Variants in ATP1B2 observed in about 807,000 individuals in gnomAD.
ATP1B2 encodes sodium/potassium-transporting ATPase subunit beta-2.
A neutral mutation model predicts 37.3 loss-of-function variants in ATP1B2; 12 were observed. The ratio of observed to expected loss-of-function variants is 0.32; its 90% CI spans 0.21 to 0.52. The LOEUF is 0.52. ATP1B2 is among the 20% of genes least tolerant of loss of function. The probability of loss-of-function intolerance (pLI) is 0.96; values close to 1 mark genes in which losing one functional copy is unlikely to be tolerated. For missense variants in ATP1B2, 324 were observed against 391.6 expected, an observed-to-expected ratio of 0.83 and a Z score of 1.46; for synonymous variants, 139 against 140.5, an observed-to-expected ratio of 0.99 and a Z score of 0.07.
chr17:7,652,408 G>A (rs1462563405), intron 1 of ATP1B2, among the ~76,000 whole-genome samples: 1 of 152,118 alleles, frequency 6.6e-6, no homozygotes, highest in Non-Finnish European at 1.5e-5. Context: ...ATTCTTCCAA[G>A]AGGGATGGTC....
chr17:7,655,103 G>A lies in ATP1B2; in HGVS notation c.609+419G>A. 2 of 308,144 alleles carry A rather than the reference G, an allele frequency of 6.5e-6. No individual in the cohort carries two copies. The highest frequency in any genetic ancestry group is 1.2e-5 in the Non-Finnish European group (2 of 164,818). The allele number at this position is 308,144 out of a possible 1,614,324, so 19.1% of individuals were successfully genotyped here. A position where few individuals can be genotyped will look rare whatever the true frequency, so the allele number is the denominator to read the frequency against. On this transcript the variant is annotated intron_variant, in intron 5 of 6. Coordinates refer to ENST00000250111, the MANE Select transcript of ATP1B2 (RefSeq NM_001678.5). This position sits in a 1 kb window ranked among gnomAD's most constrained non-coding sequence, Gnocchi z 4.4. ...TAGCACCATCTGCCACCAGTTCGTTGTCCTTGGGACCCTGTTCCCCGCTTC... is the reference window on the plus strand; with the variant it reads ...TAGCACCATCTGCCACCAGTTCGTTATCCTTGGGACCCTGTTCCCCGCTTC...
rs1164998069 is a variant in ATP1B2, at chr17:7,651,399, C to T, written c.-120C>T. On this transcript the variant is annotated 5_prime_UTR_variant, in exon 1 of 7. Coordinates refer to ENST00000250111, the MANE Select transcript of ATP1B2 (RefSeq NM_001678.5). ...GCAGCTGCATATCTGAGGGGGGTCT[C>T]CTTTGCCCGCGCCGCCTTCGCTCCC... 1.2e-6 allele frequency: 1 copy of T among 865,806 alleles called. No homozygotes were observed. Among genetic ancestry groups the T allele is most frequent in the Non-Finnish European group, 1.8e-6 (1 of 545,570 alleles). 53.6% of individuals were successfully genotyped at this position (865,806 alleles called of 1,614,324 possible).
Position 7,654,321 on chromosome 17 carries a change from A to G in ATP1B2, c.552+64A>G. ...GATCTGGGGACACCACCTGCAGACA[A>G]TTGCATCCTTTCACTGGGGCTAATG... On this transcript the variant is annotated intron_variant, in intron 4 of 6. Coordinates refer to ENST00000250111, the MANE Select transcript of ATP1B2 (RefSeq NM_001678.5). The surrounding 1 kb of genome is among the most constrained non-coding windows in gnomAD (Gnocchi z 4.9). The G allele has an allele frequency of 6.5e-7, 1 of 1,549,778 alleles. No homozygotes were observed.
At position 7,653,603 on chromosome 17, in the gene ATP1B2, A is replaced by G. The variant is rs2072628226; in HGVS notation, c.241+101A>G. The G allele has an allele frequency of 1.3e-6, 2 of 1,520,782 alleles. 1 individual carries two copies. The highest frequency in any genetic ancestry group is 4.0e-5 in the Admixed American group (2 of 49,492). The allele number at this position is 1,520,782 out of a possible 1,614,324, so 94.2% of individuals were successfully genotyped here. On this transcript the variant is annotated intron_variant, in intron 2 of 6. Coordinates refer to ENST00000250111, the MANE Select transcript of ATP1B2 (RefSeq NM_001678.5). ...TCCTTCCAGGAGTTTGATTTTGATG[A>G]CCCAATCCCCACGTGCTTGGAAGTT...
upstream of ATP1B2, among the ~76,000 whole-genome samples, chr17:7,647,563 G>A (rs1361489307): frequency 2.0e-5 from 3 of 152,204 alleles, no homozygotes; most frequent in Non-Finnish European, 2.9e-5. Flanking sequence ...GCTCACGCCT[G>A]TAATCCCAGC....
Position 7,655,485 on chromosome 17 carries a change from A to G in ATP1B2, c.610-42A>G. ...TCTGGTGAGCTCCTGGGTGCCTGCC[A>G]TCCCTAACTGGCTCACCCCCTATCT... On this transcript the variant is annotated intron_variant, in intron 5 of 6. Transcript: ENST00000250111. The surrounding 1 kb of genome is among the most constrained non-coding windows in gnomAD (Gnocchi z 4.4). 1 of 1,596,144 alleles carries G rather than the reference A, an allele frequency of 6.3e-7. No homozygotes were observed. Among genetic ancestry groups the G allele is most frequent in the Non-Finnish European group, 8.6e-7 (1 of 1,164,198 alleles).
rs946905207 is a variant in ATP1B2, at chr17:7,655,134, C to G, written c.610-393C>G. 14 of 322,922 alleles carry G rather than the reference C, an allele frequency of 4.3e-5. No homozygotes were observed. The highest frequency in any genetic ancestry group is 9.3e-5 in the Admixed American group (2 of 21,508). The allele number at this position is 322,922 out of a possible 1,614,324, so 20.0% of individuals were successfully genotyped here. A position where few individuals can be genotyped will look rare whatever the true frequency, so the allele number is the denominator to read the frequency against. On this transcript the variant is annotated intron_variant, in intron 5 of 6. Coordinates refer to ENST00000250111, the MANE Select transcript of ATP1B2 (RefSeq NM_001678.5). The surrounding 1 kb of genome is among the most constrained non-coding windows in gnomAD (Gnocchi z 4.4). ...GGGACCCTGTTCCCCGCTTCCCCCC[C>G]GGTCTGTCCTTTCTAGAAACTGGCT...
chr17:7,649,337 G>A (rs1215450079), upstream of ATP1B2, among the ~76,000 whole-genome samples: 1 of 152,002 alleles, frequency 6.6e-6, no homozygotes, highest in East Asian at 1.9e-4. Context: ...GCCTCCTATA[G>A]AGCTGGGATT....
chr17:7,651,956 C>G (rs1216090703), intron 1 of ATP1B2, among the ~76,000 whole-genome samples: 1 of 152,146 alleles, frequency 6.6e-6, no homozygotes, highest in Non-Finnish European at 1.5e-5. Flanking sequence ...CCCCCACCTC[C>G]AAAGAGCGCC....
At position 7,654,531 on chromosome 17, in the gene ATP1B2, A is replaced by T; in HGVS notation, c.553-97A>T. ...GCTATCCTCCCGCCTCAACCTCCCT[A>T]GTAGTTGGGACTACAGTCCCCGGCT... On this transcript the variant is annotated intron_variant, in intron 4 of 6. Coordinates refer to ENST00000250111, the MANE Select transcript of ATP1B2 (RefSeq NM_001678.5). This position sits in a 1 kb window ranked among gnomAD's most constrained non-coding sequence, Gnocchi z 4.9. The T allele has an allele frequency of 7.6e-7, 1 of 1,322,474 alleles. No individual in the cohort carries two copies. The highest frequency in any genetic ancestry group is 1.1e-6 in the Non-Finnish European group (1 of 917,024). 81.9% of individuals were successfully genotyped at this position (1,322,474 alleles called of 1,614,324 possible). A position where few individuals can be genotyped will look rare whatever the true frequency, so the allele number is the denominator to read the frequency against.
At chr17:7,653,147 CTG>C (rs2150977893) in intron 1 of ATP1B2, among the ~76,000 whole-genome samples, 1 of 152,324 alleles carries the variant, frequency 6.6e-6, no homozygotes, top group East Asian at 1.9e-4. Context: ...TCGGGCTTCA[CTG>C]TGCCCTAGGA....
chr17:7,655,695 C>T lies in ATP1B2; in HGVS notation c.709-36C>T. 1 of 1,613,914 alleles carries T rather than the reference C, an allele frequency of 6.2e-7. No homozygotes were observed. On this transcript the variant is annotated intron_variant, in intron 6 of 6. Coordinates refer to ENST00000250111, the MANE Select transcript of ATP1B2 (RefSeq NM_001678.5). This position sits in a 1 kb window ranked among gnomAD's most constrained non-coding sequence, Gnocchi z 4.4. ...GAGCTAGGGAAGGAGGCCGCGTTGC[C>T]CCAGGCCTAGACCCTGCACTGCTCC...
chr17:7,655,188 C>A lies in ATP1B2; in HGVS notation c.610-339C>A, dbSNP rs983175573. 1.3e-5 allele frequency: 5 copies of A among 383,008 alleles called. No homozygotes were observed. The highest frequency in any genetic ancestry group is 2.4e-5 in the Non-Finnish European group (5 of 209,936). 23.7% of individuals were successfully genotyped at this position (383,008 alleles called of 1,614,324 possible). A position where few individuals can be genotyped will look rare whatever the true frequency, so the allele number is the denominator to read the frequency against. ...CCCTCCACATCCCCTTCCTTGCTTC[C>A]TATTCAACCCTTAATCATGTATCTC... On this transcript the variant is annotated intron_variant, in intron 5 of 6. Coordinates refer to ENST00000250111, the MANE Select transcript of ATP1B2 (RefSeq NM_001678.5). The surrounding 1 kb of genome is among the most constrained non-coding windows in gnomAD (Gnocchi z 4.4).
rs866328190 is a variant in ATP1B2, at chr17:7,651,187, C to T, written c.-332C>T. 1 of 274,302 alleles carries T rather than the reference C, an allele frequency of 3.6e-6. No individual in the cohort carries two copies. 17.0% of individuals were successfully genotyped at this position (274,302 alleles called of 1,614,324 possible). On this transcript the variant is annotated 5_prime_UTR_variant, in exon 1 of 7. Coordinates refer to ENST00000250111, the MANE Select transcript of ATP1B2 (RefSeq NM_001678.5). ...GTTTTTGTAGCCGTCTGTTTTTGCA[C>T]CCCATTTCGTTTTGTTTCTAGACGG...
chr17:7,653,437 T>C lies in ATP1B2; in HGVS notation c.176T>C (p.Met59Thr), dbSNP rs1469905148. ...CTCACCGCCATGTTCACCCTCACCATGTGGGTGATGCTGCAGACTGTCTCC... is the reference window on the plus strand; with the variant it reads ...CTCACCGCCATGTTCACCCTCACCACGTGGGTGATGCTGCAGACTGTCTCC... ...GFLTAMFTLTMWVMLQTVSDH... is the reference protein window; with the variant it reads ...GFLTAMFTLTTWVMLQTVSDH... The change falls in exon 2 of 7, where the codon ATG becomes ACG. Residue 59 changes from methionine (M) to threonine (T), a missense_variant. Transcript: ENST00000250111. The C allele has an allele frequency of 1.9e-6, 3 of 1,614,022 alleles. No homozygotes were observed. Among genetic ancestry groups the C allele is most frequent in the Non-Finnish European group, 2.5e-6 (3 of 1,180,020 alleles).
In ATP1B2 at chr17:7,653,897, A is replaced by G. The variant is rs759035771; in HGVS notation, c.298A>G (p.Thr100Ala). The change falls in exon 3 of 7, where the codon ACT (threonine) becomes GCT (alanine). Residue 100 changes from threonine to alanine, a missense_variant. By Grantham distance (58) the Thr-to-Ala change is moderately conservative (BLOSUM62 0). Transcript: ENST00000250111. ...NLDVIVNVSD[T>A]ESWDQHVQKL... ...TGATGTCATTGTCAATGTCAGTGAC[A>G]CTGAAAGCTGGGACCAGCATGTTCA... The G allele has an allele frequency of 2.5e-6, 4 of 1,614,168 alleles. No homozygotes were observed. The highest frequency in any genetic ancestry group is 3.4e-6 in the Non-Finnish European group (4 of 1,180,036).
At chr17:7,653,323 A>C in intron 1 of ATP1B2, 51 bp from the exon 2 acceptor site, 1 of 1,611,306 alleles carries the variant, frequency 6.2e-7, no homozygotes, top group South Asian at 1.1e-5. Context: ...GGGATAGTTG[A>C]GGTTATGGTG....
chr17:7,655,573 C>T lies in ATP1B2; in HGVS notation c.656C>T (p.Ala219Val), dbSNP rs2072644564. ...CTCGGCAACTTCGTCATGTTCCCCG[C>T]CAACGGCAACATCGACCTCATGTAC... ...ENLGNFVMFP[A>V]NGNIDLMYFP... Residue 219 changes from alanine (A) to valine (V), a missense_variant, in exon 6 of 7, where the codon GCC (alanine) becomes GTC (valine). By Grantham distance (64) the Ala-to-Val change is moderately conservative (BLOSUM62 0). Coordinates refer to ENST00000250111, the MANE Select transcript of ATP1B2 (RefSeq NM_001678.5). The surrounding 1 kb of genome is among the most constrained non-coding windows in gnomAD (Gnocchi z 4.4). 6.2e-7 allele frequency: 1 copy of T among 1,614,184 alleles called. No homozygotes were observed. Among genetic ancestry groups the T allele is most frequent in the Non-Finnish European group, 8.5e-7 (1 of 1,180,052 alleles).
Position 7,651,447 on chromosome 17 carries a change from G to C in ATP1B2, c.-72G>C. On this transcript the variant is annotated 5_prime_UTR_variant, in exon 1 of 7. Transcript: ENST00000250111. The stretch of plus-strand genomic sequence containing the variant: ...CCCCGTGCTTTTGGGTGTGTGGAGG[G>C]CTTCAGCGCGCGGCGCCCCCGCTTC... The C allele has an allele frequency of 7.3e-7, 1 of 1,366,694 alleles. No individual in the cohort carries two copies. The highest frequency in any genetic ancestry group is 2.0e-5 in the Admixed American group (1 of 50,504). 84.7% of individuals were successfully genotyped at this position (1,366,694 alleles called of 1,614,324 possible). A position where few individuals can be genotyped will look rare whatever the true frequency, so the allele number is the denominator to read the frequency against.
Sources: gnomAD v4.1 joint callset for allele counts (sites outside exome capture counted in the v4.1 genomes callset) on GRCh38, gnomAD v4.1.1 for gene constraint, Gnocchi (gnomAD v3.1) non-coding constraint, MANE v1.5 for transcripts, NCBI Gene and HGNC (gene_info 2026-07-23, HGNC 2026-07-21) for gene names.